TIAM2: variants seen among roughly 807,000 people sequenced by gnomAD.
The protein encoded by TIAM2 is TIAM Rac1 associated GEF 2.
In TIAM2, 80 loss-of-function variants were observed where a neutral mutation model predicts 152.9. That is an observed-to-expected ratio of 0.52 (90% CI 0.44 to 0.63). The LOEUF (loss-of-function observed/expected upper bound fraction) is 0.63, where lower values mean the gene tolerates loss of function less well. TIAM2 is among the 30% of genes least tolerant of loss of function. TIAM2 has a pLI of 0.00. For synonymous variants in TIAM2, 804 were observed against 838.0 expected, an observed-to-expected ratio of 0.96 and a Z score of 0.70; for missense variants, 1,965 against 2,120.1, an observed-to-expected ratio of 0.93 and a Z score of 1.44.
chr6:155,230,001 T>C (rs965473502), intron 15 of TIAM2, among the ~76,000 whole-genome samples: 70 of 152,050 alleles, frequency 4.6e-4, no homozygotes, highest in African/African-American at 1.5e-3. Context: ...CCATGACACA[T>C]GGGAATCATT....
intron 2 of TIAM2, among the ~76,000 whole-genome samples, chr6:155,107,897 G>T (rs1473665463): frequency 1.3e-5 from 2 of 152,158 alleles, no homozygotes; most frequent in African/African-American, 4.8e-5. Flanking sequence ...AGGAGCCCTG[G>T]CTTTGGTGTA....
In TIAM2 at chr6:155,028,896, A is replaced by C. The variant is rs988973271; in HGVS notation, c.-209+33404A>C. 6.4e-5 allele frequency among the ~76,000 whole-genome samples: 7 copies of C among 110,150 alleles called. 1 individual carries two copies. In the Admixed American group the frequency reaches 6.4e-4, roughly 10 times the overall value. 72.3% of individuals were successfully genotyped at this position (110,150 alleles called of 152,430 possible). On this transcript the variant is annotated intron_variant, in intron 1 of 26. Coordinates refer to ENST00000682666, the MANE Select transcript of TIAM2 (RefSeq NM_012454.4). The stretch of plus-strand genomic sequence containing the variant: ...ATACTATGTTATATATACACTGTAT[A>C]TACTATCTATACTATGTTATATATA...
chr6:155,170,494 C>T (rs989469559), intron 9 of TIAM2, among the ~76,000 whole-genome samples: 20 of 152,032 alleles, frequency 1.3e-4, no homozygotes, highest in Non-Finnish European at 2.6e-4. Context: ...GCTTGCTCCT[C>T]GGAGGCTGAG....
intron 15 of TIAM2, among the ~76,000 whole-genome samples, chr6:155,226,083 A>G (rs560681485): frequency 4.1e-4 from 62 of 152,378 alleles, no homozygotes; most frequent in African/African-American, 1.3e-3. Flanking sequence ...AGCCAATATT[A>G]GAAGAGAAAG....
chr6:155,195,013 C>T (rs1233494847), intron 14 of TIAM2, among the ~76,000 whole-genome samples: 3 of 152,218 alleles, frequency 2.0e-5, no homozygotes, highest in Admixed American at 6.5e-5. Context: ...TTGTAAGTTT[C>T]CTGAGGCCTC....
chr6:155,029,550 AG>A (rs1160370822), intron 1 of TIAM2, among the ~76,000 whole-genome samples: 47 of 53,434 alleles, frequency 8.8e-4, no homozygotes, highest in Middle Eastern at 0.016. Flanking sequence ...TATATTATGT[AG>A]TATAAATATA....
At chr6:155,200,269 G>A (rs1336736122) in intron 14 of TIAM2, among the ~76,000 whole-genome samples, 2 of 152,168 alleles carry the variant, frequency 1.3e-5, no homozygotes, top group Non-Finnish European at 2.9e-5. Flanking sequence ...GTTATTTACA[G>A]TCATAGCTTC....
At chr6:155,126,650 GAAC>G (rs1779304805) in intron 2 of TIAM2, among the ~76,000 whole-genome samples, 1 of 152,136 alleles carries the variant, frequency 6.6e-6, no homozygotes, top group African/African-American at 2.4e-5. Flanking sequence ...AGAATCGCTT[GAAC>G]CCAGGAGGCG....
intron 15 of TIAM2, among the ~76,000 whole-genome samples, chr6:155,215,727 ATTTTTTT>A (rs10535890): frequency 7.1e-6 from 1 of 140,130 alleles, no homozygotes; most frequent in Non-Finnish European, 1.5e-5. Context: ...AAAATTTTAA[ATTTTTTT>A]TTTTTTTTTG....
At chr6:155,010,446 T>C (rs959837469) in intron 1 of TIAM2, among the ~76,000 whole-genome samples, 2 of 152,170 alleles carry the variant, frequency 1.3e-5, no homozygotes, top group South Asian at 4.1e-4. Context: ...ATTTAACCCA[T>C]TTTAATTTTC....
intron 14 of TIAM2, among the ~76,000 whole-genome samples, chr6:155,209,225 G>T (rs906496322): frequency 1.3e-5 from 2 of 151,688 alleles, no homozygotes; most frequent in Admixed American, 6.6e-5. Context: ...GAAGCAGCCC[G>T]CGAGAGCATT....
intron 14 of TIAM2, among the ~76,000 whole-genome samples, chr6:155,188,728 CA>C (rs1444705519): frequency 3.3e-5 from 5 of 152,168 alleles, no homozygotes; most frequent in Non-Finnish European, 7.4e-5. Flanking sequence ...AACATTCCAG[CA>C]GCTTTTAAGA....
At chr6:155,005,175 TC>T in intron 1 of TIAM2, 1 of 227,260 alleles carries the variant, frequency 4.4e-6, no homozygotes, top group Non-Finnish European at 9.5e-6. Flanking sequence ...CAGCAGCTTG[TC>T]CCTCATTTCC....
At chr6:155,250,511 G>A (rs1217592584) in intron 21 of TIAM2, 3 of 1,531,428 alleles carry the variant, frequency 2.0e-6, no homozygotes, top group Non-Finnish European at 1.7e-6. Flanking sequence ...ACTCTGGCCA[G>A]TTTCAATGCT....
At chr6:155,241,346 C>A (rs1395054653) in intron 16 of TIAM2, among the ~76,000 whole-genome samples, 2 of 152,150 alleles carry the variant, frequency 1.3e-5, no homozygotes. Context: ...TTTCCTGGAG[C>A]TTTGGTACCA....
chr6:155,155,614 A>G (rs1313875636), intron 7 of TIAM2, among the ~76,000 whole-genome samples: 1 of 152,164 alleles, frequency 6.6e-6, no homozygotes, highest in Non-Finnish European at 1.5e-5. Context: ...AGCTGGGATT[A>G]CAGGCGTACG....
rs750673388 is a variant in TIAM2, at chr6:155,156,856, C to T, written c.2029-7559C>T. The stretch of plus-strand genomic sequence containing the variant: ...TGCACAAATGTGCCCTGCTCCCCTC[C>T]GCCCTCTTCATCTGGCTCACCCCTT... On this transcript the variant is annotated intron_variant, in intron 7 of 26. Transcript: ENST00000682666. This position sits in a 1 kb window ranked among gnomAD's most constrained non-coding sequence, Gnocchi z 4.4. Among the ~76,000 whole-genome samples, 52 of 152,132 alleles carry T rather than the reference C, an allele frequency of 3.4e-4. No individual in the cohort carries two copies. Among genetic ancestry groups the T allele is most frequent in the Non-Finnish European group, 5.3e-4 (36 of 68,010 alleles).
In TIAM2 at chr6:155,156,175, GA is replaced by G; in HGVS notation, c.2028+7842del. ...ATGAGGAGTTTACCGGGAGAATAGA[GA>G]GGGGTCTTCCAGGCCAAGGCACAGT... is the stretch of plus-strand genomic sequence containing the variant. On this transcript the variant is annotated intron_variant, in intron 7 of 26. Transcript: ENST00000682666. The surrounding 1 kb of genome is among the most constrained non-coding windows in gnomAD (Gnocchi z 4.4). 6.6e-6 allele frequency among the ~76,000 whole-genome samples: 1 copy of G among 152,162 alleles called. No individual in the cohort carries two copies. Among genetic ancestry groups the G allele is most frequent in the East Asian group, 1.9e-4 (1 of 5,188 alleles).
intron 4 of TIAM2, among the ~76,000 whole-genome samples, chr6:155,133,505 A>G (rs963952213): frequency 3.3e-5 from 5 of 152,150 alleles, no homozygotes; most frequent in African/African-American, 1.2e-4. Context: ...GGCATAGAAT[A>G]TAGTGTTATT....
Sources: allele counts gnomAD v4.1 joint callset (sites outside exome capture counted in the v4.1 genomes callset), GRCh38; gene constraint gnomAD v4.1.1; non-coding constraint Gnocchi (gnomAD v3.1); transcripts MANE v1.5; gene names NCBI Gene and HGNC (gene_info 2026-07-23, HGNC 2026-07-21).